Variants in AGFG2 observed in about 807,000 individuals in gnomAD.
The protein encoded by AGFG2 is ArfGAP with FG repeats 2.
AGFG2 carries 31 observed loss-of-function variants against 48.0 expected under a neutral mutation model. That is an observed-to-expected ratio of 0.65 (90% CI 0.49 to 0.87). AGFG2 has a LOEUF of 0.87. Ranked by LOEUF, AGFG2 falls within the 40% of genes least tolerant of loss-of-function variation. The probability of loss-of-function intolerance (pLI) is 0.00; values close to 1 mark genes in which losing one functional copy is unlikely to be tolerated. For synonymous variants in AGFG2, 229 were observed against 260.8 expected, an observed-to-expected ratio of 0.88 and a Z score of 1.18; for missense variants, 599 against 632.6, an observed-to-expected ratio of 0.95 and a Z score of 0.57.
At position 100,565,122 on chromosome 7, in the gene AGFG2, G is replaced by T; in HGVS notation, c.*131G>T. 1 of 1,057,726 alleles carries T rather than the reference G, an allele frequency of 9.5e-7. No individual in the cohort carries two copies. The highest frequency in any genetic ancestry group is 1.4e-6 in the Non-Finnish European group (1 of 689,738). The allele number at this position is 1,057,726 out of a possible 1,614,324, so 65.5% of individuals were successfully genotyped here. ...TGGAGGTGCTAATGCTTTGCTTGGG[G>T]CCTACAGGTGAAAGGTGGCTGCCCT... is the stretch of plus-strand genomic sequence containing the variant. On this transcript the variant is annotated 3_prime_UTR_variant, in exon 12 of 12. Transcript: ENST00000300176.
At chr7:100,561,944 A>G (rs2734897) in intron 6 of AGFG2, among the ~76,000 whole-genome samples, 111,792 of 152,154 alleles carry the variant, frequency 0.73, 41,821 homozygotes, top group African/African-American at 0.87. Context: ...GGGAAAAGTG[A>G]GACATGAAAG....
intron 1 of AGFG2, among the ~76,000 whole-genome samples, chr7:100,540,067 T>C (rs1396518134): frequency 6.7e-6 from 1 of 148,974 alleles, no homozygotes; most frequent in Non-Finnish European, 1.5e-5. Context: ...GAGTGTGAGA[T>C]GCAGAAGCCA....
chr7:100,544,152 C>G lies in AGFG2; in HGVS notation c.221+4585C>G, dbSNP rs141246295. ...GTTGAGGCCTGAGATCTCATTGACA[C>G]AAGGATGGACGCTAACTTTGACACC... On this transcript the variant is annotated intron_variant, in intron 1 of 11. Transcript: ENST00000300176. Among the ~76,000 whole-genome samples the G allele has an allele frequency of 1.2e-3, 186 of 152,352 alleles. 1 individual carries two copies. Among genetic ancestry groups the G allele is most frequent in the Non-Finnish European group, 1.9e-3 (127 of 68,038 alleles).
At chr7:100,556,491 G>C in intron 6 of AGFG2, 1 of 1,041,082 alleles carries the variant, frequency 9.6e-7, no homozygotes, top group Non-Finnish European at 1.3e-6. Context: ...GGCAGCTGCA[G>C]TGCTCGCCGT....
Position 100,550,506 on chromosome 7 carries a change from G to A in AGFG2, c.426G>A (p.Lys142=), listed in dbSNP as rs1220385302. The A allele has an allele frequency of 6.2e-7, 1 of 1,607,738 alleles. No homozygotes were observed. Among genetic ancestry groups the A allele is most frequent in the Non-Finnish European group, 8.5e-7 (1 of 1,174,372 alleles). The part of the protein sequence containing the change: ...KEFLQEKYEK[K]RWYVPPDQVK... The stretch of plus-strand genomic sequence containing the variant: ...TTCTCCAGGAAAAATATGAGAAGAA[G>A]AGATGGTAAGGAGTAGGAAAGAGGT... Residue 142 remains lysine, a synonymous_variant, in exon 3 of 12, where the codon AAG becomes AAA. Transcript: ENST00000300176.
intron 5 of AGFG2, 59 bp downstream of exon 5, chr7:100,554,317 T>C: frequency 6.5e-7 from 1 of 1,532,948 alleles, no homozygotes; most frequent in Non-Finnish European, 8.8e-7. Context: ...ACATGAGAGA[T>C]CCAGTCCCTG....
chr7:100,541,499 CT>C (rs1294185228), intron 1 of AGFG2, among the ~76,000 whole-genome samples: 1 of 151,898 alleles, frequency 6.6e-6, no homozygotes, highest in East Asian at 1.9e-4. Context: ...AGGGGTCGGG[CT>C]CGGTGGCTCA....
intron 3 of AGFG2, among the ~76,000 whole-genome samples, chr7:100,550,842 C>T (rs1800615591): frequency 6.7e-6 from 1 of 149,924 alleles, no homozygotes; most frequent in Non-Finnish European, 1.5e-5. Flanking sequence ...TAGTTTTATT[C>T]CTTTAACCCA....
chr7:100,562,844 C>G lies in AGFG2; in HGVS notation c.1088-19C>G, dbSNP rs372642862. 6.8e-6 allele frequency: 11 copies of G among 1,612,824 alleles called. No homozygotes were observed. Among genetic ancestry groups the G allele is most frequent in the Non-Finnish European group, 9.3e-6 (11 of 1,178,976 alleles). On this transcript the variant is annotated intron_variant, in intron 8 of 11. Coordinates refer to ENST00000300176, the MANE Select transcript of AGFG2 (RefSeq NM_006076.5). The surrounding 1 kb of genome is among the most constrained non-coding windows in gnomAD (Gnocchi z 5.4). ...AACCATCTCTCTCTTTCCTGCCGCT[C>G]CCCATTCCACCTGGGCAGCCTTCAC...
In AGFG2 at chr7:100,562,346, G is replaced by A; in HGVS notation, c.965G>A (p.Gly322Glu). ...CTCGCAGACGTGGGCAGCTTCCTGG[G>A]ACCCGGGGTGCCCGCTGCAGGTGTT... ...NSLADVGSFL[G>E]PGVPAAGVPS... Residue 322 changes from glycine to glutamate, a missense_variant, in exon 7 of 12, where the codon GGA (glycine) becomes GAA (glutamate). Gly to Glu is a moderately conservative substitution (Grantham distance 98). Transcript: ENST00000300176. The surrounding 1 kb of genome is among the most constrained non-coding windows in gnomAD (Gnocchi z 5.4). The A allele has an allele frequency of 1.2e-6, 2 of 1,614,086 alleles. No individual in the cohort carries two copies. Among genetic ancestry groups the A allele is most frequent in the Admixed American group, 1.7e-5 (1 of 60,026 alleles).
chr7:100,547,302 T>G (rs1800531272), intron 1 of AGFG2, among the ~76,000 whole-genome samples: 4 of 152,198 alleles, frequency 2.6e-5, no homozygotes, highest in Admixed American at 2.6e-4. Flanking sequence ...TTTTCAGGAT[T>G]TTCATCTGTT....
Position 100,564,237 on chromosome 7 carries a change from A to C in AGFG2, c.1320A>C (p.Leu440Phe), listed in dbSNP as rs1163360302. ...QQQNGSSFGD[L>F]GSAKLGQRPL... ...CCCTAGGCTCTTCCTTCGGGGACTT[A>C]GGATCAGCCAAGTTGGGGCAGAGGC... The change falls in exon 11 of 12, where the codon TTA becomes TTC. Residue 440 changes from leucine (L) to phenylalanine (F), a missense_variant. Leu to Phe is a conservative substitution (Grantham distance 22). Transcript: ENST00000300176. The C allele has an allele frequency of 6.2e-7, 1 of 1,613,080 alleles. No individual in the cohort carries two copies. Among genetic ancestry groups the C allele is most frequent in the African/African-American group, 1.3e-5 (1 of 74,914 alleles).
At position 100,554,181 on chromosome 7, in the gene AGFG2, T is replaced by G; in HGVS notation, c.674T>G (p.Leu225Arg). The change falls in exon 5 of 12, where the codon CTG (leucine) becomes CGG (arginine). Residue 225 changes from leucine to arginine, a missense_variant. Transcript: ENST00000300176. Reference protein sequence around the residue: ...HSSVKKASTDLLADIGGDPFA... With the variant: ...HSSVKKASTDRLADIGGDPFA... Reference sequence around the variant, plus strand: ...TCTGTCAAAAAAGCCAGTACTGACCTGCTGGCTGACATCGGTGGAGACCCC... The same window carrying G: ...TCTGTCAAAAAAGCCAGTACTGACCGGCTGGCTGACATCGGTGGAGACCCC... The G allele has an allele frequency of 1.9e-6, 3 of 1,614,200 alleles. No individual in the cohort carries two copies. The highest frequency in any genetic ancestry group is 2.5e-6 in the Non-Finnish European group (3 of 1,180,022).
At chr7:100,547,312 T>A (rs1019469673) in intron 1 of AGFG2, among the ~76,000 whole-genome samples, 2 of 152,156 alleles carry the variant, frequency 1.3e-5, no homozygotes, top group Non-Finnish European at 2.9e-5. Flanking sequence ...TTTCATCTGT[T>A]AAATATTTTT....
At chr7:100,539,953 T>C (rs1800391808) in intron 1 of AGFG2, among the ~76,000 whole-genome samples, 1 of 151,672 alleles carries the variant, frequency 6.6e-6, no homozygotes, top group Non-Finnish European at 1.5e-5. Context: ...CATGCACCTT[T>C]AGAGGGAACT....
chr7:100,543,578 G>C lies in AGFG2; in HGVS notation c.221+4011G>C, dbSNP rs184714134. Among the ~76,000 whole-genome samples the C allele has an allele frequency of 3.9e-3, 591 of 152,290 alleles. 11 individuals carry two copies. The highest frequency in any genetic ancestry group is 6.5e-3 in the Admixed American group (99 of 15,280). ...AATTACTAGAATTCCCAGCTGGTTG[G>C]ATTGGCCGATGTAGCAAAGTTGATG... On this transcript the variant is annotated intron_variant, in intron 1 of 11. Coordinates refer to ENST00000300176, the MANE Select transcript of AGFG2 (RefSeq NM_006076.5).
chr7:100,562,968 T>C lies in AGFG2; in HGVS notation c.1171+22T>C. ...CCAGGTAAGCCTCCAGCATGGTCCCTTGTCCTGACCATCTGAGACTTCCAA... is the reference window on the plus strand; with the variant it reads ...CCAGGTAAGCCTCCAGCATGGTCCCCTGTCCTGACCATCTGAGACTTCCAA... On this transcript the variant is annotated intron_variant, in intron 9 of 11. Transcript: ENST00000300176. This position sits in a 1 kb window ranked among gnomAD's most constrained non-coding sequence, Gnocchi z 5.4. 2 of 1,600,676 alleles carry C rather than the reference T, an allele frequency of 1.2e-6. No individual in the cohort carries two copies. The highest frequency in any genetic ancestry group is 8.6e-7 in the Non-Finnish European group (1 of 1,168,996).
intron 3 of AGFG2, among the ~76,000 whole-genome samples, chr7:100,551,071 T>TATATATATATATATATATATA (rs1491536203): frequency 4.4e-5 from 4 of 90,380 alleles, no homozygotes; most frequent in Admixed American, 1.1e-4. Context: ...TATATATTTC[T>TATATATATATATATATATATA]TTTTTTTTTT....
At chr7:100,561,897 C>G (rs1345649104) in intron 6 of AGFG2, among the ~76,000 whole-genome samples, 2 of 152,120 alleles carry the variant, frequency 1.3e-5, no homozygotes, top group African/African-American at 4.8e-5. Context: ...AATGGAAATG[C>G]GGGCTTGAGG....
Sources: allele counts gnomAD v4.1 joint callset (sites outside exome capture counted in the v4.1 genomes callset), GRCh38; gene constraint gnomAD v4.1.1; non-coding constraint Gnocchi (gnomAD v3.1); transcripts MANE v1.5; gene names NCBI Gene and HGNC (gene_info 2026-07-23, HGNC 2026-07-21).